Variants in DPP10 observed in about 807,000 individuals in gnomAD.
DPP10 encodes the protein inactive dipeptidyl peptidase 10.
A neutral mutation model predicts 120.9 loss-of-function variants in DPP10; 33 were observed. The ratio of observed to expected loss-of-function variants is 0.27; its 90% CI spans 0.21 to 0.37. The LOEUF (loss-of-function observed/expected upper bound fraction) is 0.37. DPP10 is among the 10% of genes least tolerant of loss of function. The pLI is 1.00. For missense variants in DPP10, 816 were observed against 942.8 expected, an observed-to-expected ratio of 0.87 and a Z score of 1.76; for synonymous variants, 337 against 326.1, an observed-to-expected ratio of 1.03 and a Z score of -0.36.
At chr2:115,098,565 T>C (rs2048519707) in intron 1 of DPP10, among the ~76,000 whole-genome samples, 1 of 152,018 alleles carries the variant, frequency 6.6e-6, no homozygotes, top group Non-Finnish European at 1.5e-5. Flanking sequence ...TATTTGTGAA[T>C]CTAAACATTA....
intron 21 of DPP10, among the ~76,000 whole-genome samples, chr2:115,822,654 A>G (rs956616104): frequency 3.3e-5 from 5 of 151,864 alleles, no homozygotes; most frequent in Non-Finnish European, 7.4e-5. Context: ...TTTTTCATTA[A>G]CCATGTTTAG....
At chr2:115,703,735 C>T (rs772603477) in intron 7 of DPP10, among the ~76,000 whole-genome samples, 8 of 151,982 alleles carry the variant, frequency 5.3e-5, no homozygotes, top group Admixed American at 2.6e-4. Context: ...TCCACAGCAA[C>T]GTCTAGACTA....
At chr2:114,825,561 A>G (rs1686451634) in intron 1 of DPP10, among the ~76,000 whole-genome samples, 1 of 152,212 alleles carries the variant, frequency 6.6e-6, no homozygotes. Flanking sequence ...CTCCCGAAGA[A>G]TTACTTTCTT....
At chr2:115,114,164 A>G (rs4128175) in intron 1 of DPP10, among the ~76,000 whole-genome samples, 108,526 of 152,048 alleles carry the variant, frequency 0.71, 39,182 homozygotes, top group East Asian at 0.98. Flanking sequence ...TTCTCAAAGA[A>G]CAGTATATAA....
intron 13 of DPP10, among the ~76,000 whole-genome samples, chr2:115,771,132 T>C (rs1681411107): frequency 6.6e-6 from 1 of 152,024 alleles, no homozygotes; most frequent in African/African-American, 2.4e-5. Context: ...TAGAATGCAG[T>C]GACACGATCT....
intron 1 of DPP10, among the ~76,000 whole-genome samples, chr2:114,983,797 T>G (rs1700233073): frequency 1.3e-5 from 2 of 152,224 alleles, no homozygotes; most frequent in African/African-American, 2.4e-5. Context: ...CTAATTCTCA[T>G]AGTGATCTTG....
chr2:115,340,127 A>G (rs986400712), intron 2 of DPP10, among the ~76,000 whole-genome samples: 6 of 152,324 alleles, frequency 3.9e-5, no homozygotes, highest in Non-Finnish European at 7.4e-5. Flanking sequence ...ATGCATACAT[A>G]GTATAATTAG....
intron 1 of DPP10, among the ~76,000 whole-genome samples, chr2:114,794,269 C>T (rs987160684): frequency 3.3e-5 from 5 of 152,150 alleles, no homozygotes; most frequent in African/African-American, 4.8e-5. Flanking sequence ...TTCGATAAGC[C>T]ATGATGCTTA....
chr2:115,373,024 TG>T (rs1476273689), intron 3 of DPP10, among the ~76,000 whole-genome samples: 6 of 152,226 alleles, frequency 3.9e-5, no homozygotes, highest in African/African-American at 1.4e-4. Flanking sequence ...AATAGAGGTT[TG>T]TAGAGCTACG....
chr2:114,652,022 T>A (rs760344461), intron 1 of DPP10, among the ~76,000 whole-genome samples: 1 of 152,128 alleles, frequency 6.6e-6, no homozygotes, highest in Non-Finnish European at 1.5e-5. Flanking sequence ...CCCACTCTGA[T>A]TAGCAAAGTT....
chr2:115,738,379 G>A (rs543559647), intron 8 of DPP10, among the ~76,000 whole-genome samples: 1 of 152,180 alleles, frequency 6.6e-6, no homozygotes, highest in South Asian at 2.1e-4. Flanking sequence ...GGTGTCAGAA[G>A]AACCATGCGA....
chr2:115,040,381 G>GA (rs1009411585), intron 1 of DPP10, among the ~76,000 whole-genome samples: 5 of 151,500 alleles, frequency 3.3e-5, no homozygotes, highest in African/African-American at 9.7e-5. Flanking sequence ...CCTTTTTCTA[G>GA]AAAAAAATAA....
chr2:114,885,413 G>A (rs1208517026), intron 1 of DPP10, among the ~76,000 whole-genome samples: 6 of 152,164 alleles, frequency 3.9e-5, no homozygotes, highest in Non-Finnish European at 8.8e-5. Context: ...CCCCCCTTCA[G>A]TACCGGGGAT....
intron 3 of DPP10, among the ~76,000 whole-genome samples, chr2:115,376,292 A>G (rs1258978100): frequency 2.0e-5 from 3 of 152,174 alleles, no homozygotes; most frequent in Non-Finnish European, 4.4e-5. Flanking sequence ...TTATAAATAT[A>G]ATGATTGAAT....
intron 1 of DPP10, among the ~76,000 whole-genome samples, chr2:114,740,078 T>C (rs1449029774): frequency 6.6e-6 from 1 of 151,512 alleles, no homozygotes; most frequent in Non-Finnish European, 1.5e-5. Context: ...TGCAGCACTA[T>C]TCACAATAGC....
At chr2:115,034,767 G>A (rs1385883456) in intron 1 of DPP10, among the ~76,000 whole-genome samples, 2 of 152,106 alleles carry the variant, frequency 1.3e-5, no homozygotes, top group South Asian at 2.1e-4. Context: ...CTGAACTCCC[G>A]TCATGACAAT....
intron 1 of DPP10, among the ~76,000 whole-genome samples, chr2:114,598,468 A>G (rs1692104201): frequency 6.6e-6 from 1 of 151,952 alleles, no homozygotes; most frequent in South Asian, 2.1e-4. Flanking sequence ...GGTAGCAGGA[A>G]GTAGAAGGAG....
chr2:115,607,787 G>T (rs941079002), intron 5 of DPP10, among the ~76,000 whole-genome samples: 2 of 152,004 alleles, frequency 1.3e-5, no homozygotes, highest in African/African-American at 4.8e-5. Flanking sequence ...AGGAAAATTT[G>T]GTGGGGTAAT....
chr2:114,651,712 T>A (rs1459389000), intron 1 of DPP10, among the ~76,000 whole-genome samples: 1 of 152,172 alleles, frequency 6.6e-6, no homozygotes, highest in African/African-American at 2.4e-5. Flanking sequence ...AGGATGCCAC[T>A]TTTCTCATGA....
Sources: allele counts gnomAD v4.1 joint callset (sites outside exome capture counted in the v4.1 genomes callset), GRCh38; gene constraint gnomAD v4.1.1; transcripts MANE v1.5; gene names NCBI Gene and HGNC (gene_info 2026-07-23, HGNC 2026-07-21).